The following STPG2 variants were observed in gnomAD, a reference collection of about 807,000 sequenced individuals.
STPG2 encodes the protein sperm tail PG-rich repeat containing 2.
Under a neutral mutation model 54.2 loss-of-function variants are expected in STPG2, and 56 were observed. The ratio of observed to expected loss-of-function variants is 1.03; its 90% CI spans 0.83 to 1.29. The LOEUF is 1.29. Among genes scored for constraint, STPG2 ranks in the 50% most tolerant of loss-of-function variants. The pLI is 0.00. For synonymous variants in STPG2, 200 were observed against 181.8 expected (o/e 1.10, Z -0.81); for missense variants, 596 against 544.9 (o/e 1.09, Z -0.93).
intron 7 of STPG2, among the ~76,000 whole-genome samples, chr4:97,961,003 A>T (rs1467528262): frequency 1.3e-5 from 2 of 152,152 alleles, no homozygotes; most frequent in Non-Finnish European, 2.9e-5. Context: ...ATAGGTGCAT[A>T]GATCAATGGA....
intron 7 of STPG2, among the ~76,000 whole-genome samples, chr4:97,970,626 G>T (rs1234630186): frequency 1.3e-5 from 2 of 152,178 alleles, no homozygotes; most frequent in Non-Finnish European, 2.9e-5. Flanking sequence ...GCTGAAACTG[G>T]ATCCCTTCCT....
intron 8 of STPG2, among the ~76,000 whole-genome samples, chr4:97,943,301 C>A (rs951959188): frequency 6.6e-6 from 1 of 152,140 alleles, no homozygotes; most frequent in Non-Finnish European, 1.5e-5. Context: ...TAGACTCTAG[C>A]AACATTATCA....
chr4:97,686,922 AATT>A (rs200335652), intron 10 of STPG2, among the ~76,000 whole-genome samples: 327 of 149,426 alleles, frequency 2.2e-3, no homozygotes, highest in African/African-American at 5.6e-3. Context: ...TTATTTTACT[AATT>A]ATTATTATTA....
intron 9 of STPG2, among the ~76,000 whole-genome samples, chr4:97,713,554 T>A (rs750373544): frequency 1.3e-4 from 20 of 152,214 alleles, no homozygotes; most frequent in Non-Finnish European, 1.2e-4. Context: ...GAAAGTAAAT[T>A]CTGGCAGATT....
intron 8 of STPG2, among the ~76,000 whole-genome samples, chr4:97,914,766 A>T (rs998985822): frequency 2.6e-5 from 4 of 152,216 alleles, no homozygotes; most frequent in African/African-American, 9.6e-5. Context: ...AAATGCTCCA[A>T]TGAGCATTTT....
chr4:97,660,094 C>T (rs1722332844), intron 10 of STPG2, among the ~76,000 whole-genome samples: 1 of 152,002 alleles, frequency 6.6e-6, no homozygotes, highest in Non-Finnish European at 1.5e-5. Context: ...GCTCCGCCTC[C>T]CGGGTTCACA....
intron 9 of STPG2, among the ~76,000 whole-genome samples, chr4:97,829,574 T>C (rs185106067): frequency 3.9e-4 from 60 of 152,210 alleles, no homozygotes; most frequent in African/African-American, 1.0e-3. Context: ...AACAAACTCC[T>C]CTGAGCTAAA....
At chr4:97,640,567 T>C (rs1721732895) in intron 10 of STPG2, among the ~76,000 whole-genome samples, 1 of 151,882 alleles carries the variant, frequency 6.6e-6, no homozygotes, top group South Asian at 2.1e-4. Flanking sequence ...AGTGTTTTCA[T>C]GTTCAAATAG....
intron 8 of STPG2, among the ~76,000 whole-genome samples, chr4:97,849,652 CA>C (rs1729087110): frequency 6.6e-6 from 1 of 151,974 alleles, no homozygotes; most frequent in African/African-American, 2.4e-5. Flanking sequence ...TTTATGCAGC[CA>C]AAAAACACAT....
At chr4:97,966,357 A>C (rs2149252123) in intron 7 of STPG2, among the ~76,000 whole-genome samples, 1 of 152,344 alleles carries the variant, frequency 6.6e-6, no homozygotes, top group Admixed American at 6.5e-5. Flanking sequence ...AAAACCTCTA[A>C]GAAATATGGG....
intron 10 of STPG2, among the ~76,000 whole-genome samples, chr4:97,672,166 C>CTTTTTTTTT (rs70953079): frequency 5.5e-4 from 44 of 80,696 alleles, no homozygotes; most frequent in Middle Eastern, 0.012. Flanking sequence ...ACTGGTAATT[C>CTTTTTTTTT]TTTTTTTTTT....
At chr4:97,682,429 T>A (rs137962686) in intron 10 of STPG2, among the ~76,000 whole-genome samples, 127 of 151,918 alleles carry the variant, frequency 8.4e-4, no homozygotes, top group African/African-American at 2.9e-3. Context: ...GTTTCTAGCT[T>A]CCTGTAACCA....
intron 10 of STPG2, among the ~76,000 whole-genome samples, chr4:97,712,369 C>T (rs1176655361): frequency 6.6e-6 from 1 of 151,852 alleles, no homozygotes; most frequent in African/African-American, 2.4e-5. Context: ...ATAATTATTT[C>T]AATAAATACT....
At chr4:97,960,764 C>CCAT (rs1733855080) in intron 7 of STPG2, among the ~76,000 whole-genome samples, 2 of 152,022 alleles carry the variant, frequency 1.3e-5, no homozygotes, top group African/African-American at 4.8e-5. Flanking sequence ...GTGAAAATGA[C>CCAT]CATATTGCCA....
At chr4:97,886,231 GA>G (rs943312948) in intron 8 of STPG2, among the ~76,000 whole-genome samples, 3 of 151,848 alleles carry the variant, frequency 2.0e-5, no homozygotes, top group Non-Finnish European at 4.4e-5. Context: ...GAACTTTATA[GA>G]AAAAAATAAT....
In STPG2 at chr4:97,698,296, C is replaced by A. The variant is rs750327066; in HGVS notation, c.1320+14403G>T. On this transcript the variant is annotated intron_variant, in intron 10 of 10. Transcript: ENST00000295268. Reference sequence around the variant, plus strand: ...CACAGGGCATGGCAATACTAAGAGACGCCCTAATGGATCTCCTGTATTCCA... The same window carrying A: ...CACAGGGCATGGCAATACTAAGAGAAGCCCTAATGGATCTCCTGTATTCCA... Among the ~76,000 whole-genome samples, 5 of 152,220 alleles carry A rather than the reference C, an allele frequency of 3.3e-5. No individual in the cohort carries two copies. In the South Asian group the frequency reaches 1.0e-3, roughly 32 times the overall value.
intron 8 of STPG2, among the ~76,000 whole-genome samples, chr4:97,885,697 T>C (rs113411469): frequency 0.013 from 1,921 of 152,246 alleles, 34 homozygotes; most frequent in African/African-American, 0.044. Context: ...ATTCCACAAA[T>C]ACAATGGGCC....
At chr4:97,628,525 A>G (rs1721122593) in intron 10 of STPG2, among the ~76,000 whole-genome samples, 1 of 152,200 alleles carries the variant, frequency 6.6e-6, no homozygotes, top group Non-Finnish European at 1.5e-5. Context: ...TTTTAAAATC[A>G]TAATACTCTA....
chr4:97,763,964 A>G (rs1725964751), intron 9 of STPG2, among the ~76,000 whole-genome samples: 1 of 151,872 alleles, frequency 6.6e-6, no homozygotes, highest in African/African-American at 2.4e-5. Context: ...TCATTTCTCT[A>G]TCCTCATCTT....
Sources: gnomAD v4.1 joint callset for allele counts (sites outside exome capture counted in the v4.1 genomes callset) on GRCh38, gnomAD v4.1.1 for gene constraint, MANE v1.5 for transcripts, NCBI Gene and HGNC (gene_info 2026-07-23, HGNC 2026-07-21) for gene names.